Variants in GRIA4 observed in about 807,000 individuals in gnomAD.
GRIA4 encodes glutamate ionotropic receptor AMPA type subunit 4.
A neutral mutation model predicts 104.0 loss-of-function variants in GRIA4; 34 were observed. The ratio of observed to expected loss-of-function variants is 0.33; its 90% CI spans 0.25 to 0.44. GRIA4 has a LOEUF of 0.44. GRIA4 is among the 20% of genes least tolerant of loss of function. The pLI is 1.00. For synonymous variants in GRIA4, 386 were observed against 381.9 expected (o/e 1.01, Z -0.13); for missense variants, 750 against 1,096.5 (o/e 0.68, Z 4.46).
intron 16 of GRIA4, among the ~76,000 whole-genome samples, chr11:105,978,210 A>G (rs1859087694): frequency 6.6e-6 from 1 of 152,046 alleles, no homozygotes; most frequent in Middle Eastern, 3.2e-3. Context: ...CTGAGTGCCT[A>G]TTATGTGCTA....
chr11:105,714,823 G>A (rs188125077), intron 3 of GRIA4, among the ~76,000 whole-genome samples: 31 of 151,052 alleles, frequency 2.1e-4, no homozygotes, highest in Admixed American at 1.3e-3. Context: ...GTGTGTGTTC[G>A]TGTGTGTGTG....
At chr11:105,947,663 G>A (rs1431500920) in intron 14 of GRIA4, among the ~76,000 whole-genome samples, 6 of 152,156 alleles carry the variant, frequency 3.9e-5, no homozygotes, top group Non-Finnish European at 7.4e-5. Context: ...AATAGTTCAT[G>A]AAAGTGTCCA....
At chr11:105,632,734 G>A (rs552070695) in intron 3 of GRIA4, among the ~76,000 whole-genome samples, 137 of 152,230 alleles carry the variant, frequency 9.0e-4, no homozygotes, top group East Asian at 2.3e-3. Context: ...AAGAGTTCAA[G>A]ACCAGTCTGG....
intron 3 of GRIA4, among the ~76,000 whole-genome samples, chr11:105,660,988 C>T (rs1205834748): frequency 6.6e-6 from 1 of 151,552 alleles, no homozygotes; most frequent in Admixed American, 6.6e-5. Context: ...TGTTCTTAAC[C>T]TTGACTGTAT....
Position 105,946,427 on chromosome 11 carries a change from T to C in GRIA4, c.2294+12458T>C, listed in dbSNP as rs558258332. ...GCAAAACCCCGTCTCTACAAAAAAA[T>C]AGAAAACAATTAGCTGGGCATGGTG... is the stretch of plus-strand genomic sequence containing the variant. On this transcript the variant is annotated intron_variant, in intron 14 of 16. Transcript: ENST00000282499. 2.0e-5 allele frequency among the ~76,000 whole-genome samples: 3 copies of C among 151,794 alleles called. No homozygotes were observed. The East Asian group carries it at 5.8e-4, about 29-fold the overall frequency.
chr11:105,980,382 AG>A lies in GRIA4; in HGVS notation c.*646del, dbSNP rs1859210553. The A allele has an allele frequency of 6.6e-6, 1 of 152,668 alleles. No individual in the cohort carries two copies. The highest frequency in any genetic ancestry group is 6.5e-5 in the Admixed American group (1 of 15,286). 9.5% of individuals were successfully genotyped at this position (152,668 alleles called of 1,614,324 possible). A position where few individuals can be genotyped will look rare whatever the true frequency, so the allele number is the denominator to read the frequency against. On this transcript the variant is annotated 3_prime_UTR_variant, in exon 17 of 17. Transcript: ENST00000282499. ...CACAATTCTTTTTTCTAACCATCTT[AG>A]GGAACAATACATTGCAATAATTGAT... is the stretch of plus-strand genomic sequence containing the variant.
intron 9 of GRIA4, among the ~76,000 whole-genome samples, chr11:105,909,338 A>C (rs1332657527): frequency 2.0e-5 from 3 of 152,184 alleles, no homozygotes; most frequent in African/African-American, 7.2e-5. Flanking sequence ...AAATGCATAC[A>C]TTTTATTGGA....
intron 4 of GRIA4, among the ~76,000 whole-genome samples, chr11:105,825,693 C>T (rs1167881358): frequency 6.6e-6 from 1 of 151,978 alleles, no homozygotes; most frequent in Non-Finnish European, 1.5e-5. Flanking sequence ...CTCCTTTTGC[C>T]AGAGGATCCA....
chr11:105,624,389 T>G (rs1483291035), intron 3 of GRIA4, among the ~76,000 whole-genome samples: 1 of 152,098 alleles, frequency 6.6e-6, no homozygotes, highest in Non-Finnish European at 1.5e-5. Context: ...GCAAGCACAC[T>G]CAGGAGAATC....
At chr11:105,964,572 T>C (rs899160197) in intron 14 of GRIA4, among the ~76,000 whole-genome samples, 1 of 152,226 alleles carries the variant, frequency 6.6e-6, no homozygotes, top group Non-Finnish European at 1.5e-5. Flanking sequence ...ATAATTCATT[T>C]GCCATTAAGT....
At chr11:105,675,182 G>T (rs1175233324) in intron 3 of GRIA4, among the ~76,000 whole-genome samples, 1 of 151,808 alleles carries the variant, frequency 6.6e-6, no homozygotes, top group Non-Finnish European at 1.5e-5. Flanking sequence ...ATGACTTGAT[G>T]GTGAGGTAGA....
chr11:105,930,644 G>A (rs1020558630), intron 13 of GRIA4, among the ~76,000 whole-genome samples: 3 of 152,070 alleles, frequency 2.0e-5, no homozygotes, highest in African/African-American at 7.2e-5. Flanking sequence ...CTATAGTTAA[G>A]TGATCTCTAT....
chr11:105,759,861 T>C (rs1166855799), intron 4 of GRIA4, among the ~76,000 whole-genome samples: 4 of 152,098 alleles, frequency 2.6e-5, no homozygotes, highest in African/African-American at 9.7e-5. Flanking sequence ...CACTTCATTC[T>C]AACTATTTGT....
intron 3 of GRIA4, among the ~76,000 whole-genome samples, chr11:105,741,934 T>A (rs192642596): frequency 1.3e-5 from 2 of 152,240 alleles, no homozygotes; most frequent in African/African-American, 4.8e-5. Flanking sequence ...TCGTATGGCA[T>A]GAGGACTATA....
chr11:105,675,558 C>T (rs976012728), intron 3 of GRIA4, among the ~76,000 whole-genome samples: 1 of 151,616 alleles, frequency 6.6e-6, no homozygotes, highest in Admixed American at 6.6e-5. Flanking sequence ...ATATTGCTCC[C>T]CAGTTGGAAT....
chr11:105,975,474 T>TA (rs985425074), intron 16 of GRIA4, among the ~76,000 whole-genome samples: 13 of 151,396 alleles, frequency 8.6e-5, no homozygotes, highest in South Asian at 4.2e-4. Context: ...GTTGGAGATT[T>TA]AAAAAAAAAT....
At chr11:105,870,056 C>T (rs1015685152) in intron 5 of GRIA4, among the ~76,000 whole-genome samples, 6 of 151,776 alleles carry the variant, frequency 4.0e-5, no homozygotes, top group Non-Finnish European at 5.9e-5. Context: ...GCCATATATA[C>T]CAAAGAGTTC....
intron 3 of GRIA4, among the ~76,000 whole-genome samples, chr11:105,733,297 A>G (rs1316650138): frequency 1.3e-5 from 2 of 152,208 alleles, no homozygotes; most frequent in African/African-American, 2.4e-5. Context: ...GATAGAAGTC[A>G]GTAGGCCATA....
intron 10 of GRIA4, chr11:105,912,818 A>G (rs1947295316): frequency 2.0e-6 from 2 of 984,458 alleles, no homozygotes; most frequent in South Asian, 9.4e-5. Flanking sequence ...TTCATTCATT[A>G]TGAAAGAAAT....
Sources: allele counts gnomAD v4.1 joint callset (sites outside exome capture counted in the v4.1 genomes callset), GRCh38; gene constraint gnomAD v4.1.1; transcripts MANE v1.5; gene names NCBI Gene and HGNC (gene_info 2026-07-23, HGNC 2026-07-21).